ARHGEF9: variants seen among roughly 807,000 people sequenced by gnomAD.
The protein encoded by ARHGEF9 is Cdc42 guanine nucleotide exchange factor 9.
In ARHGEF9, 2 loss-of-function variants were observed where a neutral mutation model predicts 41.3. The observed-to-expected ratio is 0.05, with a 90% CI of 0.02 to 0.15. The LOEUF (loss-of-function observed/expected upper bound fraction) is 0.15. Ranked by LOEUF, ARHGEF9 falls within the 10% of genes least tolerant of loss-of-function variation. ARHGEF9 has a pLI of 1.00. For missense variants in ARHGEF9, 225 were observed against 424.7 expected (o/e 0.53, Z 4.13); for synonymous variants, 160 against 154.4 (o/e 1.04, Z -0.27).
chrX:63,716,123 C>CA (rs1556409965), intron 2 of ARHGEF9: 1 of 109,963 alleles, frequency 9.1e-6, no homozygotes, highest in Non-Finnish European at 1.9e-5. Context: ...CCTGCATCTA[C>CA]AAAAAATACA....
intron 6 of ARHGEF9, among the ~76,000 whole-genome samples, chrX:63,666,267 T>C (rs1556348030): frequency 9.3e-6 from 1 of 107,055 alleles, no homozygotes; most frequent in African/African-American, 3.4e-5. Flanking sequence ...ACAGCTTTTC[T>C]ACACCAGTTA....
chrX:63,681,279 G>A (rs1371758929), intron 4 of ARHGEF9, among the ~76,000 whole-genome samples: 1 of 111,794 alleles, frequency 8.9e-6, no homozygotes, highest in African/African-American at 3.3e-5. Flanking sequence ...GCTGACCCAC[G>A]CAGACAGGCT....
At chrX:63,708,133 C>CA (rs1326481266) in intron 2 of ARHGEF9, among the ~76,000 whole-genome samples, 83 of 97,089 alleles carry the variant, frequency 8.5e-4, no homozygotes, top group East Asian at 2.5e-3. Flanking sequence ...TAGACCTGGG[C>CA]AAAAAAAAAA....
chrX:63,682,946 T>A (rs2050748307), intron 4 of ARHGEF9, among the ~76,000 whole-genome samples: 1 of 111,238 alleles, frequency 9.0e-6, no homozygotes, highest in South Asian at 3.8e-4. Flanking sequence ...TGCCCACCCT[T>A]GCCAATTTTA....
At chrX:63,651,156 T>C (rs2048519580) in intron 8 of ARHGEF9, among the ~76,000 whole-genome samples, 1 of 111,304 alleles carries the variant, frequency 9.0e-6, no homozygotes, top group African/African-American at 3.2e-5. Flanking sequence ...AAAAATTTAA[T>C]ATAATGCCAA....
chrX:63,732,344 C>T (rs1224330649), intron 1 of ARHGEF9: 2 of 108,007 alleles, frequency 1.9e-5, no homozygotes, highest in Non-Finnish European at 3.8e-5. Flanking sequence ...CATATTCCCC[C>T]ATTCTCCCTC....
intron 1 of ARHGEF9, among the ~76,000 whole-genome samples, chrX:63,736,296 C>T (rs1255785197): frequency 4.5e-5 from 5 of 111,424 alleles, no homozygotes; most frequent in African/African-American, 1.6e-4. Context: ...AGTAGGTTCG[C>T]TAAACTTATG....
chrX:63,754,770 G>A (rs2055861507), intron 1 of ARHGEF9: 1 of 952,598 alleles, frequency 1.0e-6, no homozygotes, highest in Non-Finnish European at 1.3e-6. Flanking sequence ...GGGACGGGGT[G>A]CTTGGTTCCC....
chrX:63,681,538 A>C (rs1159831282), intron 4 of ARHGEF9, among the ~76,000 whole-genome samples: 3 of 111,840 alleles, frequency 2.7e-5, no homozygotes, highest in African/African-American at 9.8e-5. Flanking sequence ...GAAATTAAAA[A>C]ATATCTTGAG....
chrX:63,753,634 C>CA (rs2055791788), intron 1 of ARHGEF9, among the ~76,000 whole-genome samples: 2 of 109,303 alleles, frequency 1.8e-5, no homozygotes, highest in Admixed American at 1.9e-4. Flanking sequence ...TAGCTCCTGT[C>CA]AAAGTCCTCT....
At chrX:63,784,660 G>A (rs1476479550) in intron 1 of ARHGEF9, among the ~76,000 whole-genome samples, 1 of 111,400 alleles carries the variant, frequency 9.0e-6, no homozygotes, top group South Asian at 3.8e-4. Flanking sequence ...CTAGTTGGGG[G>A]CAGGGGGGAG....
intron 1 of ARHGEF9, among the ~76,000 whole-genome samples, chrX:63,758,292 A>T (rs2055970873): frequency 1.8e-5 from 2 of 110,734 alleles, no homozygotes; most frequent in African/African-American, 6.6e-5. Flanking sequence ...GAGAGCAGCT[A>T]CCCTGACACT....
rs147028425 is a variant in ARHGEF9, at chrX:63,668,911, C to G, written c.946-2894G>C. On this transcript the variant is annotated intron_variant, in intron 6 of 9. Coordinates refer to ENST00000671741, the MANE Select transcript of ARHGEF9 (RefSeq NM_001353921.2). The stretch of plus-strand genomic sequence containing the variant: ...ATTAGAATGATGGCCCCCACCCAAT[C>G]TCCTCCTACTGTCACCAACCCAGGG... Among the ~76,000 whole-genome samples the G allele has an allele frequency of 2.1e-3, 240 of 112,195 alleles. 1 individual carries two copies. Among genetic ancestry groups the G allele is most frequent in the African/African-American group, 7.2e-3 (223 of 30,936 alleles).
At position 63,643,969 on chromosome X, in the gene ARHGEF9, G is replaced by A. The variant is rs782212638; in HGVS notation, c.1390+11C>T. ...ATAGTCTTTCACAGAGACTGAGTGGGGCAGCTTTACCTTTTTGCTTAGGGA... is the reference window on the plus strand; with the variant it reads ...ATAGTCTTTCACAGAGACTGAGTGGAGCAGCTTTACCTTTTTGCTTAGGGA... On this transcript the variant is annotated intron_variant, in intron 9 of 9. Coordinates refer to ENST00000671741, the MANE Select transcript of ARHGEF9 (RefSeq NM_001353921.2). 4.1e-6 allele frequency: 5 copies of A among 1,206,307 alleles called. No homozygotes were observed. The Admixed American group carries it at 8.7e-5, about 21-fold the overall frequency.
chrX:63,637,994 CTTTAT>C lies in ARHGEF9; in HGVS notation c.*29_*33del. 1 of 1,142,053 alleles carries C rather than the reference CTTTAT, an allele frequency of 8.8e-7. No homozygotes were observed. 94.1% of individuals were successfully genotyped at this position (1,142,053 alleles called of 1,213,427 possible). On this transcript the variant is annotated 3_prime_UTR_variant, in exon 10 of 10. Coordinates refer to ENST00000671741, the MANE Select transcript of ARHGEF9 (RefSeq NM_001353921.2). ...CCATCTATAAATATAATTTTATTTA[CTTTAT>C]TTTAAAATTATCTGCCTCCCTGTAG...
chrX:63,733,096 G>A (rs1483349186), intron 1 of ARHGEF9, among the ~76,000 whole-genome samples: 2 of 112,094 alleles, frequency 1.8e-5, no homozygotes, highest in African/African-American at 6.5e-5. Context: ...ATATACTTCT[G>A]AATGATAGGT....
At chrX:63,664,244 T>C (rs181075551) in intron 7 of ARHGEF9, among the ~76,000 whole-genome samples, 1 of 112,294 alleles carries the variant, frequency 8.9e-6, no homozygotes, top group African/African-American at 3.2e-5. Flanking sequence ...GTTAAACCCA[T>C]TGTTTATCTT....
chrX:63,670,380 T>C (rs1156517181), intron 6 of ARHGEF9: 1 of 110,689 alleles, frequency 9.0e-6, no homozygotes, highest in Admixed American at 9.6e-5. Context: ...TCCAACTTCT[T>C]TGGATTCAGT....
At chrX:63,671,658 C>T (rs782472607) in intron 6 of ARHGEF9, among the ~76,000 whole-genome samples, 2 of 112,241 alleles carry the variant, frequency 1.8e-5, no homozygotes, top group Non-Finnish European at 3.8e-5. Context: ...CTCTGCTTCT[C>T]TGTCTTTCAC....
Sources: allele counts gnomAD v4.1 joint callset (sites outside exome capture counted in the v4.1 genomes callset), GRCh38; gene constraint gnomAD v4.1.1; transcripts MANE v1.5; gene names NCBI Gene and HGNC (gene_info 2026-07-23, HGNC 2026-07-21).